IL7: variants seen among roughly 807,000 people sequenced by gnomAD.
IL7 encodes interleukin 7, also known as interleukin-7.
A neutral mutation model predicts 21.6 loss-of-function variants in IL7; 3 were observed. The observed-to-expected ratio is 0.14, with a 90% confidence interval of 0.06 to 0.36. The LOEUF (loss-of-function observed/expected upper bound fraction) is 0.36. Ranked by LOEUF, IL7 falls within the 10% of genes least tolerant of loss-of-function variation. The pLI is 1.00. For synonymous variants in IL7, 62 were observed against 68.1 expected, an observed-to-expected ratio of 0.91 and a Z score of 0.44; for missense variants, 175 against 200.2, an observed-to-expected ratio of 0.87 and a Z score of 0.76.
intron 3 of IL7, among the ~76,000 whole-genome samples, chr8:78,708,086 ATTAC>A (rs1489784393): frequency 1.3e-5 from 2 of 152,206 alleles, no homozygotes; most frequent in Non-Finnish European, 2.9e-5. Context: ...CAGTGAAAGA[ATTAC>A]TTAAAGTTTG....
At chr8:78,798,451 G>A (rs1813937451) in intron 1 of IL7, among the ~76,000 whole-genome samples, 1 of 151,954 alleles carries the variant, frequency 6.6e-6, no homozygotes, top group Admixed American at 6.6e-5. Flanking sequence ...TGCAAAACAA[G>A]GGTGATGAAA....
intron 3 of IL7, among the ~76,000 whole-genome samples, chr8:78,709,119 A>G (rs1348804533): frequency 6.6e-6 from 1 of 152,212 alleles, no homozygotes; most frequent in Non-Finnish European, 1.5e-5. Context: ...ATAATTTTCA[A>G]TAGTGAAACT....
downstream of IL7, among the ~76,000 whole-genome samples, chr8:78,714,985 A>G (rs933807205): frequency 6.6e-6 from 1 of 152,216 alleles, no homozygotes; most frequent in African/African-American, 2.4e-5. Context: ...AAGCATATAT[A>G]CATATTTTAG....
chr8:78,755,050 G>A (rs1162242888), intron 2 of IL7, among the ~76,000 whole-genome samples: 1 of 151,996 alleles, frequency 6.6e-6, no homozygotes, highest in Non-Finnish European at 1.5e-5. Context: ...TTCTGCCTGT[G>A]AACATCCAGT....
At position 78,733,124 on chromosome 8, in the gene IL7, T is replaced by A. The variant is rs566875967; in HGVS notation, c.*589A>T. The A allele has an allele frequency of 2.0e-5, 3 of 152,294 alleles. No individual in the cohort carries two copies. In the South Asian group the frequency reaches 6.2e-4, roughly 32 times the overall value. 9.4% of individuals were successfully genotyped at this position (152,294 alleles called of 1,614,324 possible). On this transcript the variant is annotated 3_prime_UTR_variant, in exon 6 of 6. Coordinates refer to ENST00000263851, the MANE Select transcript of IL7 (RefSeq NM_000880.4). ...TTGAAGGCACTGTGTTACACATTCA[T>A]GATTAATTAAATCTCTTGAAATCTC...
intron 3 of IL7, chr8:78,689,323 G>A: frequency 6.2e-7 from 1 of 1,603,334 alleles, no homozygotes; most frequent in Non-Finnish European, 8.5e-7. Context: ...TAGTAATAAA[G>A]GGAAATTTTC....
At chr8:78,698,359 GTT>G in intron 3 of IL7, 1 of 1,431,586 alleles carries the variant, frequency 7.0e-7, no homozygotes, top group East Asian at 2.4e-5. Flanking sequence ...TAGATGCTCT[GTT>G]TTATGTAACC....
intron 2 of IL7, among the ~76,000 whole-genome samples, chr8:78,757,634 C>T (rs1162728451): frequency 6.6e-6 from 1 of 152,060 alleles, no homozygotes; most frequent in Non-Finnish European, 1.5e-5. Context: ...TTCATCATTA[C>T]ATACTAGACC....
At chr8:78,721,034 T>C (rs1052016801) in exon 5 of IL7, 5 of 151,928 alleles carry the variant, frequency 3.3e-5, no homozygotes, top group Non-Finnish European at 5.9e-5. Context: ...GAAAAACGCT[T>C]TATGTGCTCT....
intron 2 of IL7, among the ~76,000 whole-genome samples, chr8:78,789,576 T>C (rs2130826036): frequency 6.6e-6 from 1 of 151,902 alleles, no homozygotes; most frequent in East Asian, 1.9e-4. Context: ...AGAAGAAAAA[T>C]GGTAACAGAT....
chr8:78,693,098 A>C (rs1471896660), intron 3 of IL7, among the ~76,000 whole-genome samples: 2 of 151,960 alleles, frequency 1.3e-5, no homozygotes, highest in South Asian at 4.2e-4. Flanking sequence ...TCCATGGTGT[A>C]TATGTGCCAC....
chr8:78,718,508 T>A (rs1811173965), intron 6 of IL7: 1 of 151,942 alleles, frequency 6.6e-6, no homozygotes, highest in South Asian at 2.1e-4. Flanking sequence ...GAATTTTTTT[T>A]TCTTGGAAGT....
Position 78,804,828 on chromosome 8 carries a change from C to G in IL7, c.10+85G>C, listed in dbSNP as rs539025716. 3.9e-6 allele frequency: 6 copies of G among 1,526,682 alleles called. No individual in the cohort carries two copies. In the East Asian group the frequency reaches 1.2e-4, roughly 29 times the overall value. 94.6% of individuals were successfully genotyped at this position (1,526,682 alleles called of 1,614,324 possible). A position where few individuals can be genotyped will look rare whatever the true frequency, so the allele number is the denominator to read the frequency against. ...AAGGCCGGGCTATTCCCGGACTTGC[C>G]TAGGAGCAGGGGCCCCCAGCGCGTC... On this transcript the variant is annotated intron_variant, in intron 1 of 5. Coordinates refer to ENST00000263851, the MANE Select transcript of IL7 (RefSeq NM_000880.4).
At chr8:78,687,340 G>A (rs914405346) in intron 3 of IL7, among the ~76,000 whole-genome samples, 3 of 151,004 alleles carry the variant, frequency 2.0e-5, no homozygotes, top group Admixed American at 6.6e-5. Flanking sequence ...AGATATGATC[G>A]TTTTTGACAT....
rs1814277234 is a variant in IL7 at position 78,805,026 on chromosome 8, C to T, written c.-104G>A. 1.5e-6 allele frequency: 2 copies of T among 1,316,536 alleles called. No individual in the cohort carries two copies. The highest frequency in any genetic ancestry group is 2.1e-6 in the Non-Finnish European group (2 of 946,816). 81.6% of individuals were successfully genotyped at this position (1,316,536 alleles called of 1,614,324 possible). A position where few individuals can be genotyped will look rare whatever the true frequency, so the allele number is the denominator to read the frequency against. On this transcript the variant is annotated 5_prime_UTR_variant, in exon 1 of 6. Coordinates refer to ENST00000263851, the MANE Select transcript of IL7 (RefSeq NM_000880.4). ...GGACCCTGGTCTTCCGCGGAGTTGC[C>T]GAGTCTGTGTTGGGCAGGGTGATCT...
At chr8:78,716,737 C>T (rs1364844539), downstream of IL7, among the ~76,000 whole-genome samples, 3 of 152,056 alleles carry the variant, frequency 2.0e-5, no homozygotes, top group Admixed American at 6.6e-5. Flanking sequence ...TTGTGTCCTG[C>T]CCAAATCTCA....
intron 2 of IL7, among the ~76,000 whole-genome samples, chr8:78,755,943 C>A (rs577764905): frequency 6.6e-6 from 1 of 151,908 alleles, no homozygotes; most frequent in Non-Finnish European, 1.5e-5. Context: ...TTTCCTCATT[C>A]TGTAAGATGA....
At chr8:78,772,801 T>G (rs1371877126) in intron 2 of IL7, among the ~76,000 whole-genome samples, 1 of 152,132 alleles carries the variant, frequency 6.6e-6, no homozygotes, top group African/African-American at 2.4e-5. Flanking sequence ...TAATTACCCA[T>G]GTTTTTGTAA....
chr8:78,735,922 G>A (rs1354785130), intron 5 of IL7, among the ~76,000 whole-genome samples: 1 of 151,780 alleles, frequency 6.6e-6, no homozygotes, highest in East Asian at 1.9e-4. Context: ...ATCCATTTAA[G>A]TATTCTGCCT....
Sources: gnomAD v4.1 joint callset for allele counts (sites outside exome capture counted in the v4.1 genomes callset) on GRCh38, gnomAD v4.1.1 for gene constraint, MANE v1.5 for transcripts, NCBI Gene and HGNC (gene_info 2026-07-23, HGNC 2026-07-21) for gene names.